The following ST6GALNAC3 variants were observed in gnomAD, a reference collection of about 807,000 sequenced individuals.
The protein encoded by ST6GALNAC3 is alpha-N-acetylgalactosaminide alpha-2,6-sialyltransferase 3.
Under a neutral mutation model 32.7 loss-of-function variants are expected in ST6GALNAC3, and 25 were observed. The ratio of observed to expected loss-of-function variants is 0.76; its 90% CI spans 0.56 to 1.07. The LOEUF (loss-of-function observed/expected upper bound fraction) is 1.07, where lower values mean the gene tolerates loss of function less well. Ranked by LOEUF, ST6GALNAC3 falls within the 50% of genes least tolerant of loss-of-function variation. ST6GALNAC3 has a pLI of 0.00. For synonymous variants in ST6GALNAC3, 129 were observed against 133.1 expected (o/e 0.97, Z 0.21); for missense variants, 355 against 382.4 (o/e 0.93, Z 0.60).
chr1:76,394,925 TTGTC>T (rs1652832571), intron 2 of ST6GALNAC3, among the ~76,000 whole-genome samples: 1 of 152,222 alleles, frequency 6.6e-6, no homozygotes, highest in Admixed American at 6.5e-5. Context: ...ATGAGTGTTT[TTGTC>T]TGTCAGTAAA....
intron 2 of ST6GALNAC3, among the ~76,000 whole-genome samples, chr1:76,406,284 G>A (rs773110280): frequency 4.3e-4 from 66 of 152,054 alleles, no homozygotes; most frequent in Non-Finnish European, 4.9e-4. Flanking sequence ...CTTTTGGGCA[G>A]TGGGGAGGTA....
chr1:76,255,876 G>A (rs1657891800), intron 1 of ST6GALNAC3, among the ~76,000 whole-genome samples: 1 of 152,080 alleles, frequency 6.6e-6, no homozygotes. Context: ...GGCAGGAAAA[G>A]TAGGGGTATA....
intron 3 of ST6GALNAC3, among the ~76,000 whole-genome samples, chr1:76,602,063 G>A (rs1004323731): frequency 4.6e-5 from 7 of 152,148 alleles, no homozygotes; most frequent in Non-Finnish European, 1.0e-4. Context: ...TGCAAAGTAA[G>A]GGATGAGATC....
chr1:76,330,174 A>G (rs1201153093), intron 2 of ST6GALNAC3, among the ~76,000 whole-genome samples: 2 of 151,330 alleles, frequency 1.3e-5, no homozygotes, highest in Non-Finnish European at 2.9e-5. Context: ...TTTTCTTGAG[A>G]CAGAGCCTCA....
At chr1:76,136,772 A>G (rs969816015) in intron 1 of ST6GALNAC3, among the ~76,000 whole-genome samples, 1 of 152,150 alleles carries the variant, frequency 6.6e-6, no homozygotes, top group Non-Finnish European at 1.5e-5. Context: ...TTTCTCTTTT[A>G]TTTTTACTCC....
intron 3 of ST6GALNAC3, among the ~76,000 whole-genome samples, chr1:76,480,175 A>T (rs1372086525): frequency 6.6e-6 from 1 of 152,220 alleles, no homozygotes; most frequent in African/African-American, 2.4e-5. Flanking sequence ...GCTTTTTATT[A>T]TAGTGCAAAT....
intron 1 of ST6GALNAC3, among the ~76,000 whole-genome samples, chr1:76,167,631 T>C (rs543228663): frequency 1.8e-4 from 27 of 152,178 alleles, no homozygotes; most frequent in Middle Eastern, 3.4e-3. Flanking sequence ...GGGCTTTTAT[T>C]GGTTGGTAGG....
intron 1 of ST6GALNAC3, among the ~76,000 whole-genome samples, chr1:76,210,202 G>A (rs1655067238): frequency 6.6e-6 from 1 of 152,172 alleles, no homozygotes; most frequent in South Asian, 2.1e-4. Flanking sequence ...ACATGCATTA[G>A]CTAATTGTCC....
At chr1:76,352,154 T>G (rs2101024483) in intron 2 of ST6GALNAC3, among the ~76,000 whole-genome samples, 1 of 152,330 alleles carries the variant, frequency 6.6e-6, no homozygotes, top group South Asian at 2.1e-4. Context: ...ATACCACCAT[T>G]GATTAGTTCA....
At chr1:76,449,762 T>C (rs530876916) in intron 3 of ST6GALNAC3, among the ~76,000 whole-genome samples, 118 of 152,372 alleles carry the variant, frequency 7.7e-4, no homozygotes, top group African/African-American at 2.8e-3. Flanking sequence ...TTATATATTT[T>C]GTGTAACGGT....
intron 1 of ST6GALNAC3, among the ~76,000 whole-genome samples, chr1:76,101,612 T>A (rs554620109): frequency 2.2e-4 from 34 of 152,330 alleles, no homozygotes; most frequent in African/African-American, 7.9e-4. Context: ...CTACTTTCTT[T>A]TGTTTAAATT....
chr1:76,366,645 G>A (rs1031214627), intron 2 of ST6GALNAC3, among the ~76,000 whole-genome samples: 3 of 152,066 alleles, frequency 2.0e-5, no homozygotes, highest in Non-Finnish European at 2.9e-5. Context: ...TCTTAATATC[G>A]TAACTTGAAA....
At chr1:76,235,241 C>T (rs575274070) in intron 1 of ST6GALNAC3, among the ~76,000 whole-genome samples, 75 of 152,316 alleles carry the variant, frequency 4.9e-4, no homozygotes, top group Non-Finnish European at 8.8e-4. Flanking sequence ...TCTGGTGGCT[C>T]ATGCCTGTAA....
At chr1:76,214,799 C>T (rs1296003865) in intron 1 of ST6GALNAC3, among the ~76,000 whole-genome samples, 1 of 152,070 alleles carries the variant, frequency 6.6e-6, no homozygotes, top group Non-Finnish European at 1.5e-5. Context: ...GTTACTGGGT[C>T]GTAGGGCAGT....
intron 1 of ST6GALNAC3, among the ~76,000 whole-genome samples, chr1:76,246,375 T>C (rs1057012263): frequency 1.2e-4 from 18 of 152,238 alleles, no homozygotes; most frequent in Admixed American, 1.2e-3. Flanking sequence ...TTTGCCAGTC[T>C]GTGTCTTTTA....
At chr1:76,329,298 T>A (rs1351464598) in intron 2 of ST6GALNAC3, among the ~76,000 whole-genome samples, 1 of 152,164 alleles carries the variant, frequency 6.6e-6, no homozygotes, top group Non-Finnish European at 1.5e-5. Flanking sequence ...GTCATGCCCA[T>A]GAGCCTCCTC....
intron 1 of ST6GALNAC3, among the ~76,000 whole-genome samples, chr1:76,106,088 A>T (rs1199974789): frequency 6.6e-6 from 1 of 152,248 alleles, no homozygotes; most frequent in African/African-American, 2.4e-5. Context: ...TGACAACAAG[A>T]ATGCTTGTCT....
At chr1:76,594,713 T>C (rs1647105003) in intron 3 of ST6GALNAC3, among the ~76,000 whole-genome samples, 1 of 152,206 alleles carries the variant, frequency 6.6e-6, no homozygotes, top group African/African-American at 2.4e-5. Flanking sequence ...TTTGATCATC[T>C]TTCAATAAAC....
intron 3 of ST6GALNAC3, among the ~76,000 whole-genome samples, chr1:76,422,851 C>A (rs1406831517): frequency 6.6e-6 from 1 of 151,918 alleles, no homozygotes; most frequent in Non-Finnish European, 1.5e-5. Flanking sequence ...TGATATTTTT[C>A]ACGGCGAGGA....
Sources: allele counts gnomAD v4.1 joint callset (sites outside exome capture counted in the v4.1 genomes callset), GRCh38; gene constraint gnomAD v4.1.1; transcripts MANE v1.5; gene names NCBI Gene and HGNC (gene_info 2026-07-23, HGNC 2026-07-21).